The following SHROOM2 variants were observed in gnomAD, a reference collection of about 807,000 sequenced individuals.
SHROOM2 encodes shroom family member 2.
A neutral mutation model predicts 75.9 loss-of-function variants in SHROOM2; 33 were observed. The ratio of observed to expected loss-of-function variants is 0.43; its 90% CI spans 0.33 to 0.58. The LOEUF is 0.58. Among genes scored for constraint, SHROOM2 ranks in the 20% least tolerant of loss-of-function variants. The probability of loss-of-function intolerance (pLI) is 0.04; values close to 1 mark genes in which losing one functional copy is unlikely to be tolerated. For synonymous variants in SHROOM2, 655 were observed against 663.6 expected (o/e 0.99, Z 0.20); for missense variants, 1,434 against 1,461.2 (o/e 0.98, Z 0.30).
intron 1 of SHROOM2, among the ~76,000 whole-genome samples, chrX:9,852,848 G>GTTTCTATC (rs965230297): frequency 8.9e-6 from 1 of 111,990 alleles, no homozygotes; most frequent in Non-Finnish European, 1.9e-5. Context: ...TCTAATGTGT[G>GTTTCTATC]TTTCTATCTC....
At chrX:9,856,505 TGTTGG>T (rs1276697650) in intron 1 of SHROOM2, among the ~76,000 whole-genome samples, 1 of 111,866 alleles carries the variant, frequency 8.9e-6, no homozygotes, top group African/African-American at 3.2e-5. Flanking sequence ...TTCTGTTGAG[TGTTGG>T]TTTTTAAGTT....
chrX:9,946,066 G>A lies in SHROOM2; in HGVS notation c.4585-605G>A, dbSNP rs144651949. Among the ~76,000 whole-genome samples, 331 of 112,897 alleles carry A rather than the reference G, an allele frequency of 2.9e-3. 3 individuals are homozygous for A. Among genetic ancestry groups the A allele is most frequent in the African/African-American group, 8.8e-3 (275 of 31,141 alleles). On this transcript the variant is annotated intron_variant, in intron 9 of 9. Coordinates refer to ENST00000380913, the MANE Select transcript of SHROOM2 (RefSeq NM_001649.4). The stretch of plus-strand genomic sequence containing the variant: ...CAGCCGAGTGCTTAGTAACTGTGTC[G>A]TGGAACTAGCTAGGTCAGGGTGGCA...
chrX:9,940,118 G>A (rs2084756065), intron 8 of SHROOM2, among the ~76,000 whole-genome samples: 1 of 112,114 alleles, frequency 8.9e-6, no homozygotes. Flanking sequence ...TATTAAAAAG[G>A]GAAATGAAAA....
chrX:9,908,502 T>C (rs774618966), intron 5 of SHROOM2, among the ~76,000 whole-genome samples: 1 of 112,332 alleles, frequency 8.9e-6, no homozygotes, highest in East Asian at 2.8e-4. Flanking sequence ...GTCTTAATAG[T>C]ATTATACTAT....
intron 1 of SHROOM2, among the ~76,000 whole-genome samples, chrX:9,839,765 T>C (rs1045105105): frequency 4.5e-5 from 5 of 111,807 alleles, no homozygotes; most frequent in African/African-American, 1.6e-4. Context: ...TGGCATTTTG[T>C]GTTAATATTA....
intron 5 of SHROOM2, among the ~76,000 whole-genome samples, chrX:9,902,282 G>A (rs977412291): frequency 2.8e-5 from 3 of 108,428 alleles, no homozygotes; most frequent in Admixed American, 2.0e-4. Context: ...AGGGTGAGTG[G>A]GTGGATAGAT....
chrX:9,809,846 G>T (rs754615196), intron 1 of SHROOM2, among the ~76,000 whole-genome samples: 34 of 111,133 alleles, frequency 3.1e-4, no homozygotes, highest in Non-Finnish European at 6.2e-4. Flanking sequence ...TTTTTTGTGT[G>T]TGTGTTTTTA....
chrX:9,937,975 G>C (rs1054935906), intron 7 of SHROOM2, among the ~76,000 whole-genome samples: 1 of 111,050 alleles, frequency 9.0e-6, no homozygotes, highest in Non-Finnish European at 1.9e-5. Context: ...CTCCTTTCTC[G>C]TAAGACAGCT....
intron 5 of SHROOM2, among the ~76,000 whole-genome samples, chrX:9,907,047 G>T (rs906600917): frequency 5.4e-5 from 6 of 110,758 alleles, no homozygotes; most frequent in African/African-American, 1.6e-4. Context: ...GTTGGGGCAG[G>T]GGGGAGGCGG....
intron 1 of SHROOM2, among the ~76,000 whole-genome samples, chrX:9,851,446 C>CCT (rs2084039086): frequency 1.6e-5 from 1 of 63,181 alleles, no homozygotes; most frequent in South Asian, 6.8e-4. Context: ...CAGGATATTG[C>CCT]TTTTTTTTTT....
chrX:9,850,831 C>A (rs867728349), intron 1 of SHROOM2, among the ~76,000 whole-genome samples: 82 of 76,173 alleles, frequency 1.1e-3, no homozygotes, highest in South Asian at 1.5e-3. Context: ...GACTCTGTGT[C>A]AAAAAAAAAA....
chrX:9,867,216 T>C (rs766880614), intron 1 of SHROOM2, among the ~76,000 whole-genome samples: 2 of 111,550 alleles, frequency 1.8e-5, no homozygotes, highest in African/African-American at 3.3e-5. Flanking sequence ...TTAGGAGACG[T>C]TGAACTCTAA....
chrX:9,907,612 T>G (rs2084398713), intron 5 of SHROOM2, among the ~76,000 whole-genome samples: 1 of 111,374 alleles, frequency 9.0e-6, no homozygotes, highest in Non-Finnish European at 1.9e-5. Context: ...AGAGCAACTT[T>G]CTTCTCTACT....
chrX:9,815,432 TTATGTGTG>T (rs1483322423), intron 1 of SHROOM2, among the ~76,000 whole-genome samples: 1 of 48,382 alleles, frequency 2.1e-5, no homozygotes, highest in Admixed American at 3.0e-4. Flanking sequence ...GATATACATA[TTATGTGTG>T]TGTGTGTGTG....
intron 1 of SHROOM2, among the ~76,000 whole-genome samples, chrX:9,827,883 T>C (rs2083896260): frequency 9.0e-6 from 1 of 111,587 alleles, no homozygotes; most frequent in Admixed American, 9.5e-5. Context: ...GGCTAAATGC[T>C]TTCCAGCAGG....
chrX:9,942,644 G>A (rs186561998), intron 8 of SHROOM2, among the ~76,000 whole-genome samples: 17 of 105,220 alleles, frequency 1.6e-4, no homozygotes, highest in South Asian at 8.1e-4. Flanking sequence ...GGGGAAAGGG[G>A]TGCGGAAGAG....
chrX:9,839,237 G>T (rs2083966681), intron 1 of SHROOM2, among the ~76,000 whole-genome samples: 1 of 111,413 alleles, frequency 9.0e-6, no homozygotes, highest in South Asian at 3.8e-4. Context: ...ACCCAAGTGG[G>T]TATTGTTGGG....
chrX:9,873,852 T>A, intron 2 of SHROOM2, 49 bp downstream of exon 2: 1 of 1,173,278 alleles, frequency 8.5e-7, no homozygotes, highest in South Asian at 1.8e-5. Context: ...CAGGAATGAG[T>A]GGAACATCAA....
chrX:9,789,815 C>G (rs1206901968), intron 1 of SHROOM2, among the ~76,000 whole-genome samples: 1 of 112,024 alleles, frequency 8.9e-6, no homozygotes. Flanking sequence ...AAAAAGAATG[C>G]CAGAAGCCTT....
Sources: gnomAD v4.1 joint callset for allele counts (sites outside exome capture counted in the v4.1 genomes callset) on GRCh38, gnomAD v4.1.1 for gene constraint, MANE v1.5 for transcripts, NCBI Gene and HGNC (gene_info 2026-07-23, HGNC 2026-07-21) for gene names.